The following LMBR1 variants were observed in gnomAD, a reference collection of about 807,000 sequenced individuals.
The protein encoded by LMBR1 is limb region 1 protein homolog.
A neutral mutation model predicts 73.9 loss-of-function variants in LMBR1; 52 were observed. The observed-to-expected ratio is 0.70, with a 90% CI of 0.56 to 0.89. LMBR1 has a LOEUF of 0.89. Ranked by LOEUF, LMBR1 falls within the 40% of genes least tolerant of loss-of-function variation. The probability of loss-of-function intolerance (pLI) is 0.00; values close to 1 mark genes in which losing one functional copy is unlikely to be tolerated. For missense variants in LMBR1, 539 were observed against 579.8 expected, an observed-to-expected ratio of 0.93 and a Z score of 0.72; for synonymous variants, 215 against 209.4, an observed-to-expected ratio of 1.03 and a Z score of -0.23.
chr7:156,721,895 T>C (rs1814658924), intron 15 of LMBR1, among the ~76,000 whole-genome samples: 1 of 152,128 alleles, frequency 6.6e-6, no homozygotes, highest in African/African-American at 2.4e-5. Context: ...TTAATAAATA[T>C]GTCATATCAC....
intron 15 of LMBR1, among the ~76,000 whole-genome samples, chr7:156,721,934 T>C (rs1814669003): frequency 6.6e-6 from 1 of 152,146 alleles, no homozygotes; most frequent in Non-Finnish European, 1.5e-5. Flanking sequence ...AAGCCTGCGA[T>C]GCATCAACAA....
intron 5 of LMBR1, among the ~76,000 whole-genome samples, chr7:156,794,939 GA>G (rs1324962660): frequency 6.6e-6 from 1 of 151,948 alleles, no homozygotes; most frequent in Non-Finnish European, 1.5e-5. Flanking sequence ...AGTGGTAGAT[GA>G]AAAAAAATTA....
intron 15 of LMBR1, among the ~76,000 whole-genome samples, chr7:156,695,877 A>G (rs1438315823): frequency 9.9e-5 from 15 of 152,042 alleles, no homozygotes; most frequent in African/African-American, 1.5e-4. Context: ...GAAAAAAAAA[A>G]AGAGAGAGCA....
At chr7:156,747,255 T>C (rs1820012216) in intron 9 of LMBR1, among the ~76,000 whole-genome samples, 1 of 152,154 alleles carries the variant, frequency 6.6e-6, no homozygotes, top group Non-Finnish European at 1.5e-5. Context: ...ATCAAGTAAG[T>C]ATTTTTGATC....
intron 5 of LMBR1, among the ~76,000 whole-genome samples, chr7:156,792,707 T>A (rs949437424): frequency 6.6e-6 from 1 of 152,232 alleles, no homozygotes; most frequent in South Asian, 2.1e-4. Flanking sequence ...AAAAACTAAG[T>A]AGAGAATTCT....
rs553731421 is a variant in LMBR1 at position 156,844,327 on chromosome 7, C to CA, written c.67-7443dup. On this transcript the variant is annotated intron_variant, in intron 1 of 16. Coordinates refer to ENST00000353442, the MANE Select transcript of LMBR1 (RefSeq NM_022458.4). ...TGACAGAACAAGACTCCGTCTCACA[C>CA]AAAAAAAAGCTACACACTATGAAAA... Among the ~76,000 whole-genome samples, 749 of 151,062 alleles carry CA rather than the reference C, an allele frequency of 5.0e-3. 10 individuals are homozygous for CA. Among genetic ancestry groups the CA allele is most frequent in the South Asian group, 0.018 (86 of 4,766 alleles).
At chr7:156,694,153 C>T (rs772106817) in intron 15 of LMBR1, among the ~76,000 whole-genome samples, 1 of 152,006 alleles carries the variant, frequency 6.6e-6, no homozygotes, top group Non-Finnish European at 1.5e-5. Flanking sequence ...TTTATCTCAC[C>T]ATAATAGAGA....
chr7:156,725,582 G>C (rs1345054827), intron 13 of LMBR1, 57 bp from the exon 14 acceptor site: 1 of 1,367,436 alleles, frequency 7.3e-7, no homozygotes, highest in Non-Finnish European at 1.0e-6. Context: ...TAAGTTCTCG[G>C]CAGTCTCCAA....
intron 8 of LMBR1, among the ~76,000 whole-genome samples, chr7:156,757,253 C>G (rs896861925): frequency 2.6e-5 from 4 of 152,204 alleles, no homozygotes; most frequent in Non-Finnish European, 5.9e-5. Flanking sequence ...TTTACATTTA[C>G]CTACATAATG....
intron 1 of LMBR1, 63 bp from the exon 2 acceptor site, chr7:156,836,948 G>A (rs1291192195): frequency 1.0e-6 from 1 of 988,918 alleles, no homozygotes; most frequent in African/African-American, 1.7e-5. Flanking sequence ...AATACTAGAA[G>A]ATATATCTGT....
At chr7:156,854,146 C>G (rs1403945733) in intron 1 of LMBR1, among the ~76,000 whole-genome samples, 1 of 152,120 alleles carries the variant, frequency 6.6e-6, no homozygotes, top group Non-Finnish European at 1.5e-5. Flanking sequence ...ACTGAACAAA[C>G]TGAAAGTCAA....
chr7:156,711,275 C>A (rs920197073), intron 15 of LMBR1, among the ~76,000 whole-genome samples: 2 of 152,154 alleles, frequency 1.3e-5, no homozygotes, highest in Non-Finnish European at 2.9e-5. Flanking sequence ...TACGCCACTG[C>A]ACTCCAGCCT....
chr7:156,779,204 T>C lies in LMBR1; in HGVS notation c.424-15409A>G, dbSNP rs1826678875. The stretch of plus-strand genomic sequence containing the variant: ...CACCAGGATTTCATGAACTTCACAA[T>C]ATTTTTATTTCCCAGTATGAACACT... On this transcript the variant is annotated intron_variant, in intron 5 of 16. Transcript: ENST00000353442. 6.6e-6 allele frequency among the ~76,000 whole-genome samples: 1 copy of C among 152,192 alleles called. No homozygotes were observed. The highest frequency in any genetic ancestry group is 6.5e-5 in the Admixed American group (1 of 15,280).
intron 4 of LMBR1, among the ~76,000 whole-genome samples, chr7:156,798,512 T>C (rs548742793): frequency 6.6e-6 from 1 of 152,270 alleles, no homozygotes; most frequent in South Asian, 2.1e-4. Flanking sequence ...CTTTTAAAAG[T>C]TGTATCTAAA....
intron 1 of LMBR1, among the ~76,000 whole-genome samples, chr7:156,865,650 G>A (rs2134242924): frequency 6.6e-6 from 1 of 152,258 alleles, no homozygotes; most frequent in East Asian, 1.9e-4. Context: ...AGCAAAGCTG[G>A]AGGACTCACA....
intron 1 of LMBR1, among the ~76,000 whole-genome samples, chr7:156,873,856 G>A (rs972525927): frequency 2.0e-5 from 3 of 152,236 alleles, no homozygotes; most frequent in African/African-American, 7.2e-5. Flanking sequence ...CTAAACACAG[G>A]GTGCTGACTG....
chr7:156,891,231 T>TACACACACAC (rs1212264746), intron 1 of LMBR1, among the ~76,000 whole-genome samples: 8 of 78,992 alleles, frequency 1.0e-4, no homozygotes, highest in Non-Finnish European at 1.8e-4. Context: ...TATATATATA[T>TACACACACAC]ATACACACAC....
At chr7:156,832,136 G>A (rs1836806463) in intron 3 of LMBR1, among the ~76,000 whole-genome samples, 2 of 152,304 alleles carry the variant, frequency 1.3e-5, no homozygotes, top group East Asian at 1.9e-4. Context: ...TAAAGTGAGA[G>A]TAAGAATTTC....
chr7:156,735,118 T>C (rs938425409), intron 9 of LMBR1, among the ~76,000 whole-genome samples: 1 of 152,206 alleles, frequency 6.6e-6, no homozygotes, highest in South Asian at 2.1e-4. Flanking sequence ...ATTTTGGTTC[T>C]AATTATTTCT....
Sources: allele counts gnomAD v4.1 joint callset (sites outside exome capture counted in the v4.1 genomes callset), GRCh38; gene constraint gnomAD v4.1.1; transcripts MANE v1.5; gene names NCBI Gene and HGNC (gene_info 2026-07-23, HGNC 2026-07-21).